Variants in TMEFF1 observed in about 807,000 individuals in gnomAD.
The protein encoded by TMEFF1 is tomoregulin-1.
Under a neutral mutation model 47.5 loss-of-function variants are expected in TMEFF1, and 20 were observed. That is an observed-to-expected ratio of 0.42 (90% CI 0.30 to 0.61). The LOEUF is 0.61. Ranked by LOEUF, TMEFF1 falls within the 20% of genes least tolerant of loss-of-function variation. The pLI is 0.19. For missense variants in TMEFF1, 411 were observed against 471.1 expected, an observed-to-expected ratio of 0.87 and a Z score of 1.18; for synonymous variants, 162 against 166.3, an observed-to-expected ratio of 0.97 and a Z score of 0.20.
chr9:100,487,538 A>G (rs575802504), intron 1 of TMEFF1, among the ~76,000 whole-genome samples: 12 of 152,270 alleles, frequency 7.9e-5, no homozygotes, highest in African/African-American at 2.6e-4. Flanking sequence ...GTTTACTTCA[A>G]GGTTATACCA....
intron 2 of TMEFF1, among the ~76,000 whole-genome samples, chr9:100,506,619 T>G (rs1837867050): frequency 6.6e-6 from 1 of 151,616 alleles, no homozygotes; most frequent in Non-Finnish European, 1.5e-5. Flanking sequence ...CAAAAAAAAT[T>G]AGCCGGACGT....
chr9:100,538,549 T>C (rs1838564155), intron 5 of TMEFF1, among the ~76,000 whole-genome samples: 1 of 152,248 alleles, frequency 6.6e-6, no homozygotes, highest in Admixed American at 6.5e-5. Context: ...CATGCTATAC[T>C]GCATTTTGCA....
chr9:100,546,429 T>TC (rs200756105), intron 5 of TMEFF1, among the ~76,000 whole-genome samples: 6,764 of 141,814 alleles, frequency 0.048, 300 homozygotes, highest in South Asian at 0.21. Context: ...CATAATTCAA[T>TC]CCCCCCCCCA....
intron 4 of TMEFF1, among the ~76,000 whole-genome samples, chr9:100,515,468 C>CT (rs1279564866): frequency 2.0e-5 from 3 of 152,048 alleles, no homozygotes; most frequent in Non-Finnish European, 2.9e-5. Flanking sequence ...ATTTGTGTAC[C>CT]TTTTTTAACA....
At chr9:100,484,056 C>G (rs1425438946) in intron 1 of TMEFF1, among the ~76,000 whole-genome samples, 2 of 152,054 alleles carry the variant, frequency 1.3e-5, no homozygotes, top group African/African-American at 4.8e-5. Context: ...GAGTAGATTT[C>G]AAGTATCTCT....
intron 1 of TMEFF1, among the ~76,000 whole-genome samples, chr9:100,475,462 A>G (rs895408915): frequency 1.3e-5 from 2 of 152,216 alleles, no homozygotes; most frequent in African/African-American, 4.8e-5. Flanking sequence ...GTTGTATATT[A>G]GAGTGCCTTT....
At chr9:100,546,127 C>A (rs560194647) in intron 5 of TMEFF1, among the ~76,000 whole-genome samples, 1 of 152,274 alleles carries the variant, frequency 6.6e-6, no homozygotes, top group South Asian at 2.1e-4. Context: ...TTCGGCAGCA[C>A]CCCACTCTAC....
At chr9:100,539,140 A>G (rs1404870503) in intron 5 of TMEFF1, among the ~76,000 whole-genome samples, 1 of 152,150 alleles carries the variant, frequency 6.6e-6, no homozygotes, top group Non-Finnish European at 1.5e-5. Flanking sequence ...TTCTGATCTC[A>G]AGTGATCCGC....
intron 7 of TMEFF1, 93 bp downstream of exon 7, chr9:100,550,253 C>T (rs1202906811): frequency 7.8e-7 from 1 of 1,284,558 alleles, no homozygotes; most frequent in African/African-American, 1.5e-5. Context: ...AACAACACCT[C>T]TAACTTTGCT....
chr9:100,549,713 T>C (rs1458547914), intron 6 of TMEFF1, among the ~76,000 whole-genome samples: 1 of 152,182 alleles, frequency 6.6e-6, no homozygotes, highest in African/African-American at 2.4e-5. Context: ...CCATTTATCT[T>C]AATCTGATAT....
chr9:100,521,827 C>T (rs995226285), intron 5 of TMEFF1, among the ~76,000 whole-genome samples: 2 of 152,244 alleles, frequency 1.3e-5, no homozygotes, highest in Non-Finnish European at 2.9e-5. Flanking sequence ...AGCCCCTGCT[C>T]TTCTGCCTTT....
intron 6 of TMEFF1, among the ~76,000 whole-genome samples, chr9:100,548,105 T>A (rs1453850956): frequency 6.6e-6 from 1 of 152,136 alleles, no homozygotes; most frequent in East Asian, 1.9e-4. Context: ...CTTGGTTTTT[T>A]ATTTAGTTAG....
At chr9:100,531,581 T>A (rs1273637767) in intron 5 of TMEFF1, among the ~76,000 whole-genome samples, 1 of 152,022 alleles carries the variant, frequency 6.6e-6, no homozygotes, top group African/African-American at 2.4e-5. Context: ...CTCAATAAAA[T>A]AAAAGAGGAT....
At chr9:100,532,968 G>A (rs1279427680) in intron 5 of TMEFF1, among the ~76,000 whole-genome samples, 1 of 151,458 alleles carries the variant, frequency 6.6e-6, no homozygotes, top group Non-Finnish European at 1.5e-5. Context: ...AATCATCATT[G>A]TCAGTAAACT....
At chr9:100,478,538 C>G (rs1837276872) in intron 1 of TMEFF1, among the ~76,000 whole-genome samples, 1 of 152,212 alleles carries the variant, frequency 6.6e-6, no homozygotes, top group Non-Finnish European at 1.5e-5. Flanking sequence ...TGGAACAAGA[C>G]TTCTTTTGTT....
intron 1 of TMEFF1, among the ~76,000 whole-genome samples, chr9:100,492,056 T>C (rs1285072542): frequency 6.6e-6 from 1 of 152,134 alleles, no homozygotes; most frequent in East Asian, 1.9e-4. Flanking sequence ...CAGCTAATTT[T>C]TGTATTTTTA....
chr9:100,493,016 T>C (rs1837583983), intron 1 of TMEFF1, among the ~76,000 whole-genome samples: 1 of 152,216 alleles, frequency 6.6e-6, no homozygotes, highest in Non-Finnish European at 1.5e-5. Flanking sequence ...GAGAATTAGA[T>C]GTAAAGTGTT....
Position 100,550,168 on chromosome 9 carries a change from A to G in TMEFF1, c.775+8A>G, listed in dbSNP as rs1838806356. The G allele has an allele frequency of 1.2e-6, 2 of 1,607,954 alleles. No homozygotes were observed. Among genetic ancestry groups the G allele is most frequent in the African/African-American group, 1.3e-5 (1 of 74,612 alleles). ...ATCGACCAGATGTGAAAGGTACTGA[A>G]TCATGCATCTCCAAATTTTGGCCAG... On this transcript the variant is annotated splice_region_variant and intron_variant, in intron 7 of 9. Coordinates refer to ENST00000374879, the MANE Select transcript of TMEFF1 (RefSeq NM_003692.5).
At chr9:100,482,221 A>C (rs975796184) in intron 1 of TMEFF1, among the ~76,000 whole-genome samples, 110 of 143,182 alleles carry the variant, frequency 7.7e-4, no homozygotes, top group African/African-American at 2.6e-3. Context: ...TTTTGGAGAC[A>C]GTATCTTGCT....
Sources: allele counts gnomAD v4.1 joint callset (sites outside exome capture counted in the v4.1 genomes callset), GRCh38; gene constraint gnomAD v4.1.1; transcripts MANE v1.5; gene names NCBI Gene and HGNC (gene_info 2026-07-23, HGNC 2026-07-21).